The following CNTN5 variants were observed in gnomAD, a reference collection of about 807,000 sequenced individuals.
The protein encoded by CNTN5 is contactin 5.
CNTN5 carries 77 observed loss-of-function variants against 129.1 expected under a neutral mutation model. The ratio of observed to expected loss-of-function variants is 0.60; its 90% CI spans 0.50 to 0.72. CNTN5 has a LOEUF of 0.72. CNTN5 is among the 30% of genes least tolerant of loss of function. CNTN5 has a pLI of 0.00. For missense variants in CNTN5, 1,478 were observed against 1,328.8 expected (o/e 1.11, Z -1.75); for synonymous variants, 509 against 465.6 (o/e 1.09, Z -1.20).
Position 99,611,261 on chromosome 11 carries a change from C to G in CNTN5, c.55+54992C>G, listed in dbSNP as rs190868950. ...ATAACTACATCAAAAGAATACTCAG[C>G]TACAGCATAGTGCATTTCAATAGTG... On this transcript the variant is annotated intron_variant, in intron 3 of 24. Coordinates refer to ENST00000524871, the MANE Select transcript of CNTN5 (RefSeq NM_014361.4). 3.3e-5 allele frequency among the ~76,000 whole-genome samples: 5 copies of G among 152,222 alleles called. No homozygotes were observed. The East Asian group carries it at 9.7e-4, about 29-fold the overall frequency.
chr11:99,857,695 A>G (rs947408719), intron 6 of CNTN5, among the ~76,000 whole-genome samples: 1 of 152,166 alleles, frequency 6.6e-6, no homozygotes, highest in Non-Finnish European at 1.5e-5. Flanking sequence ...TGTCTGAAGC[A>G]AACTAAGATA....
At chr11:99,838,153 G>T (rs1173658263) in intron 4 of CNTN5, among the ~76,000 whole-genome samples, 1 of 152,034 alleles carries the variant, frequency 6.6e-6, no homozygotes, top group Non-Finnish European at 1.5e-5. Context: ...TTAATTTTAA[G>T]ATGAACTTTA....
In CNTN5 at chr11:99,348,256, G is replaced by A. The variant is rs372772609; in HGVS notation, c.-71+22772G>A. ...TGGGAGGCTGAGGCAGGAGAATGGC[G>A]TGAACCCAGGAGGCGGAGCTTGCAG... is the stretch of plus-strand genomic sequence containing the variant. On this transcript the variant is annotated intron_variant, in intron 2 of 24. Transcript: ENST00000524871. Among the ~76,000 whole-genome samples, 17 of 152,100 alleles carry A rather than the reference G, an allele frequency of 1.1e-4. No individual in the cohort carries two copies. The East Asian group carries it at 1.8e-3, about 16-fold the overall frequency.
At chr11:100,009,798 A>G (rs1940416520) in intron 9 of CNTN5, among the ~76,000 whole-genome samples, 1 of 152,240 alleles carries the variant, frequency 6.6e-6, no homozygotes, top group South Asian at 2.1e-4. Flanking sequence ...GGAAACGAAA[A>G]TTTAAATATT....
chr11:99,587,725 T>A (rs1242780137), intron 3 of CNTN5, among the ~76,000 whole-genome samples: 1 of 150,394 alleles, frequency 6.6e-6, no homozygotes, highest in Non-Finnish European at 1.5e-5. Context: ...TTAAAAGTAA[T>A]GATCAGCTTA....
intron 17 of CNTN5, among the ~76,000 whole-genome samples, chr11:100,259,392 C>T (rs1184832264): frequency 6.6e-6 from 1 of 152,070 alleles, no homozygotes; most frequent in African/African-American, 2.4e-5. Flanking sequence ...AGGAACAAGA[C>T]AGAGAATTAA....
chr11:99,418,344 C>A (rs562118345), intron 2 of CNTN5, among the ~76,000 whole-genome samples: 5 of 151,992 alleles, frequency 3.3e-5, no homozygotes, highest in African/African-American at 1.2e-4. Context: ...ATAATTTTTG[C>A]TTGTTTTGGC....
intron 1 of CNTN5, among the ~76,000 whole-genome samples, chr11:99,321,128 T>C (rs1328836788): frequency 6.6e-6 from 1 of 151,980 alleles, no homozygotes; most frequent in East Asian, 1.9e-4. Context: ...TTGGCTCTCC[T>C]AAACCTTCAG....
chr11:99,957,005 T>A lies in CNTN5; in HGVS notation c.873T>A (p.Asn291Lys), dbSNP rs1950820986. The change falls in exon 8 of 25, where the codon AAT becomes AAA. Residue 291 changes from asparagine (N) to lysine (K), a missense_variant. By Grantham distance (94) the Asn-to-Lys change is moderately conservative. Coordinates refer to ENST00000524871, the MANE Select transcript of CNTN5 (RefSeq NM_014361.4). Reference protein sequence around the residue: ...LSPPTPLTLRNDGVMGEYEPK... With the variant: ...LSPPTPLTLRKDGVMGEYEPK... ...CTCCAACGCCACTCACTCTGCGTAATGATGGTAAGTTGCTTGGCCCGTTAA... is the reference window on the plus strand; with the variant it reads ...CTCCAACGCCACTCACTCTGCGTAAAGATGGTAAGTTGCTTGGCCCGTTAA... The A allele has an allele frequency of 6.2e-7, 1 of 1,613,256 alleles. No homozygotes were observed. The highest frequency in any genetic ancestry group is 8.5e-7 in the Non-Finnish European group (1 of 1,179,492).
chr11:100,064,470 C>T (rs1306898300), intron 10 of CNTN5, among the ~76,000 whole-genome samples: 4 of 151,954 alleles, frequency 2.6e-5, no homozygotes, highest in Non-Finnish European at 5.9e-5. Flanking sequence ...AGTTAAGATA[C>T]ACTTACATGT....
chr11:99,090,031 T>C (rs1379427875), intron 1 of CNTN5, among the ~76,000 whole-genome samples: 2 of 152,200 alleles, frequency 1.3e-5, no homozygotes, highest in Non-Finnish European at 2.9e-5. Flanking sequence ...TCTGTTTCTC[T>C]TTTTGGAGTC....
rs1565528297 is a variant in CNTN5, at chr11:99,784,795, G to GGTT, written c.56-34749_56-34748insGTT. On this transcript the variant is annotated intron_variant, in intron 3 of 24. Transcript: ENST00000524871. ...CTGGTGTGAGATGGTATCTCATTGT[G>GGTT]TTTTTTTTTTTTTTTTTTTTTTGAG... is the stretch of plus-strand genomic sequence containing the variant. Among the ~76,000 whole-genome samples the GGTT allele has an allele frequency of 8.5e-5, 8 of 93,928 alleles. 1 individual carries two copies. The highest frequency in any genetic ancestry group is 1.3e-4 in the Admixed American group (1 of 7,972). 61.6% of individuals were successfully genotyped at this position (93,928 alleles called of 152,430 possible).
At chr11:99,119,047 C>T (rs1362789350) in intron 1 of CNTN5, among the ~76,000 whole-genome samples, 1 of 152,012 alleles carries the variant, frequency 6.6e-6, no homozygotes, top group Non-Finnish European at 1.5e-5. Context: ...ATGAAGGCCT[C>T]ACAATGAAAA....
chr11:99,034,756 C>A (rs1257454959), intron 1 of CNTN5, among the ~76,000 whole-genome samples: 1 of 151,206 alleles, frequency 6.6e-6, no homozygotes, highest in Non-Finnish European at 1.5e-5. Context: ...GGGTTTTTTG[C>A]ATCTCTATTT....
At chr11:100,032,604 A>G (rs1265145395) in intron 9 of CNTN5, among the ~76,000 whole-genome samples, 1 of 152,118 alleles carries the variant, frequency 6.6e-6, no homozygotes, top group Admixed American at 6.6e-5. Flanking sequence ...GCACCAAAAC[A>G]TAATTCTTGT....
intron 3 of CNTN5, among the ~76,000 whole-genome samples, chr11:99,661,906 T>C (rs934966488): frequency 6.6e-6 from 1 of 152,076 alleles, no homozygotes; most frequent in Non-Finnish European, 1.5e-5. Context: ...TCAATTTATG[T>C]AGAAGCAAGA....
intron 3 of CNTN5, among the ~76,000 whole-genome samples, chr11:99,809,280 A>G (rs1239066518): frequency 6.6e-6 from 1 of 152,168 alleles, no homozygotes; most frequent in Admixed American, 6.6e-5. Flanking sequence ...GTTTTATCTG[A>G]GTGGCTCTGT....
At position 100,091,630 on chromosome 11, in the gene CNTN5, C is replaced by T. The variant is rs777027873; in HGVS notation, c.1580+17336C>T. Among the ~76,000 whole-genome samples the T allele has an allele frequency of 3.3e-5, 5 of 151,716 alleles. No individual in the cohort carries two copies. In the South Asian group the frequency reaches 6.3e-4, roughly 19 times the overall value. On this transcript the variant is annotated intron_variant, in intron 13 of 24. Transcript: ENST00000524871. Reference sequence around the variant, plus strand: ...TTTCAGTAGAAAATGGGTTTCACCACGTTGGCCAGGCTGGTCTTGAACTCC... The same window carrying T: ...TTTCAGTAGAAAATGGGTTTCACCATGTTGGCCAGGCTGGTCTTGAACTCC...
At chr11:99,341,660 T>C (rs1490550222) in intron 2 of CNTN5, among the ~76,000 whole-genome samples, 1 of 152,082 alleles carries the variant, frequency 6.6e-6, no homozygotes, top group African/African-American at 2.4e-5. Flanking sequence ...GAAGGGGAAG[T>C]ATGTTATCTA....
Sources: gnomAD v4.1 joint callset for allele counts (sites outside exome capture counted in the v4.1 genomes callset) on GRCh38, gnomAD v4.1.1 for gene constraint, MANE v1.5 for transcripts, NCBI Gene and HGNC (gene_info 2026-07-23, HGNC 2026-07-21) for gene names.